ZNF730: variants seen among roughly 807,000 people sequenced by gnomAD.
ZNF730 encodes the protein zinc finger protein 730.
A neutral mutation model predicts 12.6 loss-of-function variants in ZNF730; 12 were observed. The observed-to-expected ratio is 0.95, with a 90% confidence interval of 0.61 to 1.54. The LOEUF (loss-of-function observed/expected upper bound fraction) is 1.54. ZNF730 is among the 40% of genes most tolerant of loss of function. The probability of loss-of-function intolerance (pLI) is 0.00; values close to 1 mark genes in which losing one functional copy is unlikely to be tolerated. For synonymous variants in ZNF730, 194 were observed against 195.8 expected (o/e 0.99, Z 0.08); for missense variants, 643 against 583.5 (o/e 1.10, Z -1.05).
chr19:23,106,777 C>T (rs1235488477), intron 1 of ZNF730, among the ~76,000 whole-genome samples: 5 of 132,878 alleles, frequency 3.8e-5, no homozygotes, highest in Admixed American at 1.7e-4. Flanking sequence ...GCCACGAGAG[C>T]GAGAACTGCG....
chr19:23,113,803 T>C (rs1970482528), upstream of ZNF730, among the ~76,000 whole-genome samples: 1 of 152,206 alleles, frequency 6.6e-6, no homozygotes, highest in Non-Finnish European at 1.5e-5. Flanking sequence ...AATCTGAGAC[T>C]AAGTACATTT....
chr19:23,117,344 G>C (rs1970543200), intron 1 of ZNF730, among the ~76,000 whole-genome samples, 168 bp downstream of exon 1: 1 of 152,108 alleles, frequency 6.6e-6, no homozygotes, highest in South Asian at 2.1e-4. Context: ...TGGCGGCCGC[G>C]CTGACAGCCG....
intron 1 of ZNF730, among the ~76,000 whole-genome samples, chr19:23,076,115 A>G (rs564051211): frequency 6.6e-6 from 1 of 152,016 alleles, no homozygotes; most frequent in Non-Finnish European, 1.5e-5. Context: ...ATAAATTTCC[A>G]CTTTTGTTCC....
intron 3 of ZNF730, among the ~76,000 whole-genome samples, chr19:23,140,283 A>G (rs1970895612): frequency 6.6e-6 from 1 of 152,144 alleles, no homozygotes; most frequent in African/African-American, 2.4e-5. Context: ...ATATTTGAAA[A>G]AATTTATAAT....
At chr19:23,077,424 C>CTTTTTTTTTTTTT (rs71163442) in intron 1 of ZNF730, among the ~76,000 whole-genome samples, 1 of 45,552 alleles carries the variant, frequency 2.2e-5, no homozygotes, top group African/African-American at 8.8e-5. Flanking sequence ...TCCCTAAGAG[C>CTTTTTTTTTTTTT]TTTTTTTTTT....
At chr19:23,095,303 T>C in intron 1 of ZNF730, 1 of 398,566 alleles carries the variant, frequency 2.5e-6, no homozygotes, top group East Asian at 3.6e-5. Flanking sequence ...ACGTACGTTA[T>C]GTGACTCTCC....
chr19:23,140,297 G>A (rs1391463505), intron 3 of ZNF730, among the ~76,000 whole-genome samples: 2 of 151,934 alleles, frequency 1.3e-5, no homozygotes, highest in Admixed American at 6.6e-5. Flanking sequence ...TTATAATTTT[G>A]TATCTTTTAA....
intron 1 of ZNF730, among the ~76,000 whole-genome samples, chr19:23,092,994 G>C (rs1169945955): frequency 6.6e-6 from 1 of 151,748 alleles, no homozygotes; most frequent in East Asian, 1.9e-4. Flanking sequence ...TTTTGTTTTT[G>C]TTTTTGTTTT....
intron 1 of ZNF730, among the ~76,000 whole-genome samples, chr19:23,090,101 C>T (rs1010575333): frequency 6.6e-6 from 1 of 152,128 alleles, no homozygotes; most frequent in African/African-American, 2.4e-5. Flanking sequence ...CAAAAATCAG[C>T]TGGGTGTGGT....
chr19:23,134,328 C>A (rs1772083777), intron 2 of ZNF730, 122 bp downstream of exon 2: 1 of 888,130 alleles, frequency 1.1e-6, no homozygotes, highest in Non-Finnish European at 1.6e-6. Flanking sequence ...TTTTTTAAGT[C>A]CTCAGGATTT....
At chr19:23,129,296 G>A (rs1383836714) in intron 1 of ZNF730, among the ~76,000 whole-genome samples, 1 of 152,134 alleles carries the variant, frequency 6.6e-6, no homozygotes, top group East Asian at 1.9e-4. Flanking sequence ...TGCACCATGT[G>A]CCCGGAGAAG....
intron 1 of ZNF730, among the ~76,000 whole-genome samples, chr19:23,108,743 T>TG (rs1568308048): frequency 6.6e-6 from 1 of 151,908 alleles, no homozygotes; most frequent in Non-Finnish European, 1.5e-5. Flanking sequence ...TTGTCTTTTT[T>TG]TTTTGTTTGT....
At chr19:23,080,600 C>T (rs551875784) in intron 1 of ZNF730, among the ~76,000 whole-genome samples, 1 of 152,044 alleles carries the variant, frequency 6.6e-6, no homozygotes, top group South Asian at 2.1e-4. Context: ...GTCTCAAATT[C>T]CTGGCCTCAA....
At chr19:23,111,796 TTGAC>T (rs1970463593) in intron 1 of ZNF730, among the ~76,000 whole-genome samples, 1 of 151,994 alleles carries the variant, frequency 6.6e-6, no homozygotes, top group African/African-American at 2.4e-5. Flanking sequence ...ACTAACTAAA[TTGAC>T]TGGATTGCTT....
In ZNF730 at chr19:23,117,027, C is replaced by T. The variant is rs377512114; in HGVS notation, c.-147C>T. 1 of 1,225,666 alleles carries T rather than the reference C, an allele frequency of 8.2e-7. No individual in the cohort carries two copies. Among genetic ancestry groups the T allele is most frequent in the South Asian group, 2.0e-5 (1 of 48,842 alleles). 75.9% of individuals were successfully genotyped at this position (1,225,666 alleles called of 1,614,324 possible). On this transcript the variant is annotated 5_prime_UTR_variant, in exon 1 of 4. Transcript: ENST00000597761. ...GGCGGCTTCCGGGATTTGGCGCGGC[C>T]TTTGTTTCTCGCTGCCGCCGAAGCT...
At chr19:23,108,108 A>C (rs1224206133) in intron 1 of ZNF730, among the ~76,000 whole-genome samples, 1 of 152,188 alleles carries the variant, frequency 6.6e-6, no homozygotes, top group Non-Finnish European at 1.5e-5. Flanking sequence ...TTAGACTAAA[A>C]GGCCATGACT....
intron 3 of ZNF730, among the ~76,000 whole-genome samples, chr19:23,138,791 C>T (rs1970870704): frequency 6.6e-6 from 1 of 152,120 alleles, no homozygotes; most frequent in South Asian, 2.1e-4. Context: ...GTCTTGAAAT[C>T]TTTGCCTGAA....
chr19:23,096,831 G>T (rs73029428), intron 1 of ZNF730, among the ~76,000 whole-genome samples: 4,149 of 152,280 alleles, frequency 0.027, 72 homozygotes, highest in Middle Eastern at 0.054. Flanking sequence ...TGATTATTCT[G>T]TTCTGCCTAA....
At chr19:23,138,175 T>G (rs1418977669) in intron 3 of ZNF730, among the ~76,000 whole-genome samples, 695 of 56,976 alleles carry the variant, frequency 0.012, 286 homozygotes, top group Middle Eastern at 0.039. Flanking sequence ...CCCAGCTACT[T>G]GGGAGGCTGA....
Sources: gnomAD v4.1 joint callset for allele counts (sites outside exome capture counted in the v4.1 genomes callset) on GRCh38, gnomAD v4.1.1 for gene constraint, MANE v1.5 for transcripts, NCBI Gene and HGNC (gene_info 2026-07-23, HGNC 2026-07-21) for gene names.